The following FAT3 variants were observed in gnomAD, a reference collection of about 807,000 sequenced individuals.
FAT3 encodes protocadherin Fat 3.
Under a neutral mutation model 310.2 loss-of-function variants are expected in FAT3, and 95 were observed. The observed-to-expected ratio is 0.31, with a 90% CI of 0.26 to 0.36. The LOEUF (loss-of-function observed/expected upper bound fraction) is 0.36. Among genes scored for constraint, FAT3 ranks in the 10% least tolerant of loss-of-function variants. The probability of loss-of-function intolerance (pLI) is 1.00; values close to 1 mark genes in which losing one functional copy is unlikely to be tolerated. For synonymous variants in FAT3, 2,314 were observed against 2,192.9 expected, an observed-to-expected ratio of 1.06 and a Z score of -1.54; for missense variants, 5,408 against 5,715.6, an observed-to-expected ratio of 0.95 and a Z score of 1.74.
intron 18 of FAT3, among the ~76,000 whole-genome samples, chr11:92,842,915 A>G (rs1856969814): frequency 6.6e-6 from 1 of 152,138 alleles, no homozygotes; most frequent in South Asian, 2.1e-4. Context: ...AATAAAAATA[A>G]CAATCACATG....
chr11:92,280,604 C>T (rs573121171), intron 1 of FAT3, among the ~76,000 whole-genome samples: 3 of 152,284 alleles, frequency 2.0e-5, no homozygotes, highest in Middle Eastern at 3.4e-3. Context: ...TTCTAAATCA[C>T]AAACAGGATC....
At chr11:92,678,133 G>A (rs980988803) in intron 3 of FAT3, among the ~76,000 whole-genome samples, 1 of 152,122 alleles carries the variant, frequency 6.6e-6, no homozygotes, top group African/African-American at 2.4e-5. Context: ...GTTGCAAGAG[G>A]GAAACAATCA....
chr11:92,394,674 G>T (rs990580210), intron 2 of FAT3, among the ~76,000 whole-genome samples: 18 of 151,448 alleles, frequency 1.2e-4, no homozygotes, highest in African/African-American at 4.4e-4. Flanking sequence ...AAAAAACTCT[G>T]TATCTTATTT....
chr11:92,500,559 C>A (rs1254449333), intron 2 of FAT3, among the ~76,000 whole-genome samples: 3 of 152,062 alleles, frequency 2.0e-5, no homozygotes, highest in Non-Finnish European at 4.4e-5. Flanking sequence ...ATTTCTATCT[C>A]TCTCCCTGGA....
rs141261881 is a variant in FAT3, at chr11:92,327,292, T to A, written c.-17-24804T>A. Among the ~76,000 whole-genome samples, 169 of 151,806 alleles carry A rather than the reference T, an allele frequency of 1.1e-3. 2 individuals are homozygous for A. The East Asian group carries it at 0.016, about 14-fold the overall frequency. On this transcript the variant is annotated intron_variant, in intron 1 of 27. Transcript: ENST00000525166. ...GAGCCATGGAATCAGAGAATTCAAG[T>A]TCTTTATAGTTCAAGCAGAATGAAG...
chr11:92,394,341 ATGCACCTGTAGGTGGAAG>A (rs1949813525), intron 2 of FAT3, among the ~76,000 whole-genome samples: 1 of 152,094 alleles, frequency 6.6e-6, no homozygotes, highest in Non-Finnish European at 1.5e-5. Flanking sequence ...GGGTGGTGGC[ATGCACCTGTAGGTGGAAG>A]GATTGCTCAA....
intron 3 of FAT3, among the ~76,000 whole-genome samples, chr11:92,644,718 C>T (rs776783375): frequency 5.9e-5 from 9 of 152,228 alleles, no homozygotes; most frequent in East Asian, 3.9e-4. Flanking sequence ...GCTTGTTATG[C>T]GCACTGCTGC....
At chr11:92,586,185 C>G (rs1939146664) in intron 3 of FAT3, among the ~76,000 whole-genome samples, 1 of 151,948 alleles carries the variant, frequency 6.6e-6, no homozygotes. Context: ...AGTATATATT[C>G]AGCCATAGAA....
chr11:92,849,027 G>A (rs531573227), intron 19 of FAT3, among the ~76,000 whole-genome samples: 62 of 152,316 alleles, frequency 4.1e-4, no homozygotes, highest in South Asian at 3.9e-3. Flanking sequence ...TGACCAGTTC[G>A]CATGCTGTTT....
chr11:92,231,280 A>G (rs1042857901), intron 1 of FAT3, among the ~76,000 whole-genome samples: 1 of 152,148 alleles, frequency 6.6e-6, no homozygotes, highest in East Asian at 1.9e-4. Flanking sequence ...TCCTTTAGGT[A>G]TTCATCATTT....
intron 1 of FAT3, among the ~76,000 whole-genome samples, chr11:92,255,367 C>T (rs1354999619): frequency 6.7e-6 from 1 of 149,852 alleles, no homozygotes; most frequent in Non-Finnish European, 1.5e-5. Context: ...GAAAAACTCT[C>T]AGTAGCTTAC....
rs780129800 is a variant in FAT3, at chr11:92,229,492, G to GTTTTTTTTTTTTTTTTTTT, written c.-18+4332_-18+4333insTTTTTTTTTTTTTTTTTTT. On this transcript the variant is annotated intron_variant, in intron 1 of 27. Transcript: ENST00000525166. ...TTGTTTTCTTTTTTTGTTTTTTCGT[G>GTTTTTTTTTTTTTTTTTTT]TTTTTTTTTTTTTTGTTTTTTGTTT... is the stretch of plus-strand genomic sequence containing the variant. Among the ~76,000 whole-genome samples the GTTTTTTTTTTTTTTTTTTT allele has an allele frequency of 6.5e-4, 39 of 60,250 alleles. 5 individuals are homozygous for GTTTTTTTTTTTTTTTTTTT. The highest frequency in any genetic ancestry group is 2.0e-3 in the African/African-American group (33 of 16,872). The allele number at this position is 60,250 out of a possible 152,430, so 39.5% of individuals were successfully genotyped here. A position where few individuals can be genotyped will look rare whatever the true frequency, so the allele number is the denominator to read the frequency against.
intron 2 of FAT3, among the ~76,000 whole-genome samples, chr11:92,370,457 C>T (rs149810200): frequency 1.7e-3 from 257 of 152,320 alleles, no homozygotes; most frequent in African/African-American, 5.6e-3. Flanking sequence ...TGTCCTCATA[C>T]GTATCACACA....
At chr11:92,827,938 G>A (rs554542143) in intron 13 of FAT3, among the ~76,000 whole-genome samples, 28 of 152,224 alleles carry the variant, frequency 1.8e-4, no homozygotes, top group South Asian at 2.1e-4. Flanking sequence ...TGGTAACCTG[G>A]CATTTCAGCA....
chr11:92,327,680 CAACCCTTTCAGT>C (rs1947800296), intron 1 of FAT3, among the ~76,000 whole-genome samples: 1 of 152,184 alleles, frequency 6.6e-6, no homozygotes, highest in South Asian at 2.1e-4. Flanking sequence ...TCAGCAGCAG[CAACCCTTTCAGT>C]AGCTGAAAGC....
At chr11:92,666,930 T>A (rs1942973050) in intron 3 of FAT3, among the ~76,000 whole-genome samples, 1 of 152,162 alleles carries the variant, frequency 6.6e-6, no homozygotes, top group Non-Finnish European at 1.5e-5. Flanking sequence ...GTGCCTATGC[T>A]GCAAGGCATA....
intron 1 of FAT3, among the ~76,000 whole-genome samples, chr11:92,232,329 T>C (rs756243770): frequency 2.6e-5 from 4 of 152,204 alleles, no homozygotes; most frequent in Non-Finnish European, 5.9e-5. Context: ...AAGTGTGTGG[T>C]AATCTCTCTT....
At chr11:92,456,233 A>G (rs1333131054) in intron 2 of FAT3, among the ~76,000 whole-genome samples, 2 of 152,218 alleles carry the variant, frequency 1.3e-5, no homozygotes, top group Non-Finnish European at 1.5e-5. Context: ...AGCCTATCAA[A>G]CACCTAAACC....
In FAT3 at chr11:92,822,795, T is replaced by C. The variant is rs138643630; in HGVS notation, c.9482-8827T>C. Among the ~76,000 whole-genome samples the C allele has an allele frequency of 1.3e-3, 197 of 152,312 alleles. 2 individuals carry two copies. The highest frequency in any genetic ancestry group is 4.7e-3 in the African/African-American group (194 of 41,568). On this transcript the variant is annotated intron_variant, in intron 13 of 27. Coordinates refer to ENST00000525166, the MANE Select transcript of FAT3 (RefSeq NM_001367949.2). ...GGTAACTTGCAGTTGCCTCTGAAAA[T>C]AGACAGTTTCAGCTTCTACTGTTGT...
Sources: allele counts gnomAD v4.1 joint callset (sites outside exome capture counted in the v4.1 genomes callset), GRCh38; gene constraint gnomAD v4.1.1; transcripts MANE v1.5; gene names NCBI Gene and HGNC (gene_info 2026-07-23, HGNC 2026-07-21).